NOC2L: variants seen among roughly 807,000 people sequenced by gnomAD.
NOC2L encodes the protein NOC2 like nucleolar associated transcriptional repressor.
Under a neutral mutation model 94.2 loss-of-function variants are expected in NOC2L, and 101 were observed. The observed-to-expected ratio is 1.07, with a 90% CI of 0.91 to 1.26. NOC2L has a LOEUF of 1.26. Among genes scored for constraint, NOC2L ranks in the 50% most tolerant of loss-of-function variants. The probability of loss-of-function intolerance (pLI) is 0.00; values close to 1 mark genes in which losing one functional copy is unlikely to be tolerated. For missense variants in NOC2L, 1,076 were observed against 980.1 expected (o/e 1.10, Z -1.31); for synonymous variants, 531 against 413.4 (o/e 1.28, Z -3.45).
rs1362110954 is a variant in NOC2L at position 946,478 on chromosome 1, T to C, written c.1727A>G (p.Lys576Arg). The C allele has an allele frequency of 1.2e-6, 2 of 1,613,306 alleles. No individual in the cohort carries two copies. Among genetic ancestry groups the C allele is most frequent in the South Asian group, 2.2e-5 (2 of 91,088 alleles). The change falls in exon 15 of 19, where the codon AAG becomes AGG. Residue 576 changes from lysine (K) to arginine (R), a missense_variant. Transcript: ENST00000327044. Reference protein sequence around the residue: ...YCRQVQQLLGKVQENSAYICS... With the variant: ...YCRQVQQLLGRVQENSAYICS... ...GATGTATGCCGAGTTCTCCTGAACC[T>C]TCCCAAGCAGCTGCTGCACCTGCCG...
intron 14 of NOC2L, 177 bp from the exon 15 acceptor site, chr1:946,722 G>C (rs1642127829): frequency 2.8e-6 from 2 of 716,376 alleles, no homozygotes; most frequent in South Asian, 3.8e-5. Context: ...GGCAGAATCA[G>C]CCCACCCTCT....
chr1:946,800 G>C, intron 14 of NOC2L: 1 of 408,194 alleles, frequency 2.4e-6, no homozygotes, highest in Non-Finnish European at 4.5e-6. Flanking sequence ...GCTCTCGCCT[G>C]TAATCCCAGC....
Position 948,111 on chromosome 1 carries a change from G to A in NOC2L, c.1659+20C>T, listed in dbSNP as rs555113302. 31 of 1,556,706 alleles carry A rather than the reference G, an allele frequency of 2.0e-5. No homozygotes were observed. The highest frequency in any genetic ancestry group is 9.4e-5 in the East Asian group (4 of 42,338). On this transcript the variant is annotated intron_variant, in intron 14 of 18. Coordinates refer to ENST00000327044, the MANE Select transcript of NOC2L (RefSeq NM_015658.4). ...AGACAGTCTGAGTCGGCCACGAGCC[G>A]GTGTGGGCAGGACACACACCTGCAG...
At position 952,080 on chromosome 1, in the gene NOC2L, C is replaced by G. The variant is rs991073066; in HGVS notation, c.1251G>C (p.Arg417=). 1.9e-6 allele frequency: 3 copies of G among 1,613,616 alleles called. No homozygotes were observed. Among genetic ancestry groups the G allele is most frequent in the Non-Finnish European group, 2.5e-6 (3 of 1,180,010 alleles). ...QYVHCLFLWC[R]VLSTAGPSEA... ...CGCTGGGGCCCGCAGTGCTCAGGAC[C>G]CGGCACCACAGGAAGAGGCAGTGCA... Residue 417 remains arginine (R), a synonymous_variant, in exon 11 of 19, where the codon CGG becomes CGC. Coordinates refer to ENST00000327044, the MANE Select transcript of NOC2L (RefSeq NM_015658.4).
At position 958,978 on chromosome 1, in the gene NOC2L, G is replaced by A. The variant is rs1216544911; in HGVS notation, c.130C>T (p.Arg44Cys). 32 of 1,612,610 alleles carry A rather than the reference G, an allele frequency of 2.0e-5. No individual in the cohort carries two copies. The East Asian group carries it at 5.8e-4, about 29-fold the overall frequency. Residue 44 changes from arginine to cysteine, a missense_variant, in exon 2 of 19, where the codon CGC becomes TGC. Transcript: ENST00000327044. ...TTATCCGGACTCCGGGCAGCCTCGC[G>A]TGCTTCCCGTGTCTCCGCTTGTGGA... ...NSPQAETREA[R>C]EAARSPDKPG...
intron 12 of NOC2L, 66 bp from the exon 13 acceptor site, chr1:948,669 G>T: frequency 1.5e-6 from 2 of 1,343,180 alleles, no homozygotes; most frequent in Non-Finnish European, 1.1e-6. Context: ...CACCCTGGCT[G>T]CACCCTGGTC....
chr1:958,175 T>A (rs1013345414), intron 2 of NOC2L: 1 of 154,560 alleles, frequency 6.5e-6, no homozygotes, highest in Non-Finnish European at 1.4e-5. Context: ...TTCAAGCGAT[T>A]CTCCTGCCTC....
At chr1:951,394 G>A (rs1361628208) in intron 11 of NOC2L, among the ~76,000 whole-genome samples, 156 bp from the exon 12 acceptor site, 4 of 152,086 alleles carry the variant, frequency 2.6e-5, no homozygotes, top group Non-Finnish European at 5.9e-5. Flanking sequence ...CCCTTGCCCA[G>A]CTATGGGGCT....
chr1:948,201 G>A lies in NOC2L; in HGVS notation c.1589C>T (p.Thr530Ile). The change falls in exon 14 of 19, where the codon ACC becomes ATC. Residue 530 changes from threonine (T) to isoleucine (I), a missense_variant. Physicochemically the swap from Thr to Ile is moderately conservative, Grantham distance 89 (BLOSUM62 -1). Coordinates refer to ENST00000327044, the MANE Select transcript of NOC2L (RefSeq NM_015658.4). ...DGLVEQLYDL[T>I]LEYLHSQAHC... is the part of the protein sequence containing the mutation. ...TGCCTGGCTGTGCAGGTACTCCAGG[G>A]TGAGGTCGTACAGCTGCTCCACCAG... The A allele has an allele frequency of 3.1e-6, 5 of 1,588,816 alleles. No individual in the cohort carries two copies. The highest frequency in any genetic ancestry group is 3.4e-6 in the Non-Finnish European group (4 of 1,168,050).
rs1642177472 is a variant in NOC2L, at chr1:948,603, T to C, written c.1444A>G (p.Met482Val). 1 of 1,610,162 alleles carries C rather than the reference T, an allele frequency of 6.2e-7. No homozygotes were observed. The highest frequency in any genetic ancestry group is 8.5e-7 in the Non-Finnish European group (1 of 1,177,370). ...CTGTTGAAGTCGACCTGCTGGAACATCTGCCCCAAGGGCCGTGTCAGGCTC... is the reference window on the plus strand; with the variant it reads ...CTGTTGAAGTCGACCTGCTGGAACACCTGCCCCAAGGGCCGTGTCAGGCTC... ...FIPVLPFILE[M>V]FQQVDFNRKP... is the part of the protein sequence containing the mutation. Residue 482 changes from methionine (M) to valine (V), a missense_variant and splice_region_variant, in exon 13 of 19, where the codon ATG (methionine) becomes GTG (valine). Met to Val is a conservative substitution (Grantham distance 21, BLOSUM62 1). Coordinates refer to ENST00000327044, the MANE Select transcript of NOC2L (RefSeq NM_015658.4).
chr1:958,880 G>A, intron 2 of NOC2L, 49 bp downstream of exon 2: 2 of 1,608,678 alleles, frequency 1.2e-6, no homozygotes, highest in Non-Finnish European at 1.7e-6. Context: ...ACCCAACCGG[G>A]GTGGGACAGG....
chr1:953,054 T>C (rs1047127316), intron 9 of NOC2L, 121 bp downstream of exon 9: 25 of 686,078 alleles, frequency 3.6e-5, no homozygotes, highest in Middle Eastern at 3.6e-4. Context: ...GGCCCAGGTC[T>C]GCTCAGAGCT....
Position 951,923 on chromosome 1 carries a change from G to A in NOC2L, c.1331+77C>T. On this transcript the variant is annotated intron_variant, in intron 11 of 18. Coordinates refer to ENST00000327044, the MANE Select transcript of NOC2L (RefSeq NM_015658.4). ...TCAGGCCCCAAGGCCCTGAACGCCA[G>A]AGGCACCGCCCACACAGTCCCAGCA... 4.0e-6 allele frequency: 6 copies of A among 1,515,626 alleles called. No homozygotes were observed. In the South Asian group the frequency reaches 7.6e-5, roughly 19 times the overall value. The allele number at this position is 1,515,626 out of a possible 1,614,324, so 93.9% of individuals were successfully genotyped here.
At chr1:958,635 C>T (rs879214660) in intron 2 of NOC2L, 4 of 618,438 alleles carry the variant, frequency 6.5e-6, no homozygotes, top group South Asian at 4.5e-5. Context: ...CAGCACTTAT[C>T]TCTCTTCTAC....
intron 14 of NOC2L, chr1:947,165 A>G (rs2100379371): frequency 6.6e-6 from 1 of 152,440 alleles, no homozygotes; most frequent in East Asian, 1.9e-4. Context: ...GTAGGAAGCC[A>G]CGTTTACCAT....
chr1:949,169 CAGAGAA>C (rs1489370508), intron 12 of NOC2L, among the ~76,000 whole-genome samples: 1 of 108,104 alleles, frequency 9.3e-6, no homozygotes, highest in Non-Finnish European at 2.5e-5. Flanking sequence ...CCAGGAGGAG[CAGAGAA>C]AGAGTCAGCC....
chr1:945,688 G>A lies in NOC2L; in HGVS notation c.1918-35C>T, dbSNP rs202228302. The A allele has an allele frequency of 4.0e-4, 649 of 1,613,858 alleles. 1 individual carries two copies. The highest frequency in any genetic ancestry group is 5.3e-4 in the Admixed American group (32 of 59,996). ...CAAAGAACCAGGGGCTCAGGTGAGA[G>A]AGGGCAGGGGCTGGCGGCCACAGCA... is the stretch of plus-strand genomic sequence containing the variant. On this transcript the variant is annotated intron_variant, in intron 16 of 18. Coordinates refer to ENST00000327044, the MANE Select transcript of NOC2L (RefSeq NM_015658.4).
chr1:945,907 T>TC, intron 16 of NOC2L, among the ~76,000 whole-genome samples: 1 of 152,158 alleles, frequency 6.6e-6, no homozygotes, highest in Non-Finnish European at 1.5e-5. Flanking sequence ...GTCCAGCCAC[T>TC]CCACCTGCCC....
rs973746476 is a variant in NOC2L at position 946,495 on chromosome 1, C to G, written c.1710G>C (p.Val570=). 1.2e-6 allele frequency: 2 copies of G among 1,613,132 alleles called. No individual in the cohort carries two copies. Among genetic ancestry groups the G allele is most frequent in the Non-Finnish European group, 1.7e-6 (2 of 1,180,000 alleles). Residue 570 remains valine (V), a synonymous_variant, in exon 15 of 19, where the codon GTG becomes GTC. Transcript: ENST00000327044. The part of the protein sequence containing the change: ...ECKVANYCRQ[V]QQLLGKVQEN... ...CCTGAACCTTCCCAAGCAGCTGCTG[C>G]ACCTGCCGGCAGTAGTTGGCCACCT...
Sources: allele counts gnomAD v4.1 joint callset (sites outside exome capture counted in the v4.1 genomes callset), GRCh38; gene constraint gnomAD v4.1.1; transcripts MANE v1.5; gene names NCBI Gene and HGNC (gene_info 2026-07-23, HGNC 2026-07-21).